The following ERP44 variants were observed in gnomAD, a reference collection of about 807,000 sequenced individuals.
The protein encoded by ERP44 is endoplasmic reticulum resident protein 44.
A neutral mutation model predicts 53.4 loss-of-function variants in ERP44; 25 were observed. The observed-to-expected ratio is 0.47, with a 90% confidence interval of 0.34 to 0.65. The LOEUF (loss-of-function observed/expected upper bound fraction) is 0.65. ERP44 is among the 30% of genes least tolerant of loss of function. The probability of loss-of-function intolerance (pLI) is 0.01; values close to 1 mark genes in which losing one functional copy is unlikely to be tolerated. For synonymous variants in ERP44, 145 were observed against 161.2 expected (o/e 0.90, Z 0.76); for missense variants, 338 against 493.2 (o/e 0.69, Z 2.98).
At chr9:100,072,969 T>C (rs1826321674) in intron 1 of ERP44, among the ~76,000 whole-genome samples, 1 of 152,226 alleles carries the variant, frequency 6.6e-6, no homozygotes, top group Non-Finnish European at 1.5e-5. Flanking sequence ...GTATAGGATG[T>C]CCTTAATTTC....
At chr9:100,026,798 G>A (rs1479690409) in intron 4 of ERP44, among the ~76,000 whole-genome samples, 2 of 152,090 alleles carry the variant, frequency 1.3e-5, no homozygotes, top group African/African-American at 4.8e-5. Flanking sequence ...AATACCCTAA[G>A]ACTTTTTAAT....
chr9:100,098,332 C>T (rs1052239578), intron 1 of ERP44, among the ~76,000 whole-genome samples: 2 of 152,186 alleles, frequency 1.3e-5, no homozygotes, highest in African/African-American at 4.8e-5. Flanking sequence ...ACAGAGGGAT[C>T]TGCCAACCCG....
chr9:100,013,095 G>A lies in ERP44; in HGVS notation c.762+3227C>T, dbSNP rs549264750. ...TGTTGCTCTCTCTTCCCCAAGAAAG[G>A]GAGAAAGAGATAGTAAGATCTAAGA... On this transcript the variant is annotated intron_variant, in intron 8 of 11. Transcript: ENST00000262455. Among the ~76,000 whole-genome samples, 16 of 152,214 alleles carry A rather than the reference G, an allele frequency of 1.1e-4. No homozygotes were observed. The South Asian group carries it at 3.3e-3, about 32-fold the overall frequency.
chr9:100,056,084 T>C (rs1826084418), intron 3 of ERP44, among the ~76,000 whole-genome samples: 1 of 152,234 alleles, frequency 6.6e-6, no homozygotes, highest in African/African-American at 2.4e-5. Flanking sequence ...AGCAGCACAT[T>C]CTATTACCCT....
intron 8 of ERP44, among the ~76,000 whole-genome samples, chr9:100,013,294 T>C (rs761416888): frequency 6.6e-6 from 1 of 152,250 alleles, no homozygotes; most frequent in East Asian, 1.9e-4. Flanking sequence ...GGTTAAGCTA[T>C]AGTGCTAAAA....
At chr9:100,080,016 A>C (rs1826407054) in intron 1 of ERP44, among the ~76,000 whole-genome samples, 1 of 152,016 alleles carries the variant, frequency 6.6e-6, no homozygotes, top group South Asian at 2.1e-4. Flanking sequence ...ATTATTGTTT[A>C]ATTTCCTATC....
At chr9:100,069,355 C>T (rs2118732607) in intron 1 of ERP44, among the ~76,000 whole-genome samples, 1 of 151,904 alleles carries the variant, frequency 6.6e-6, no homozygotes, top group East Asian at 1.9e-4. Context: ...TTTATATGTA[C>T]TGTATATATA....
intron 4 of ERP44, among the ~76,000 whole-genome samples, chr9:100,045,171 A>C (rs528923893): frequency 6.6e-6 from 1 of 152,254 alleles, no homozygotes; most frequent in African/African-American, 2.4e-5. Context: ...CTACCTCAGA[A>C]ACTTCACATC....
At chr9:100,094,483 C>A (rs1221717653) in intron 1 of ERP44, among the ~76,000 whole-genome samples, 1 of 152,010 alleles carries the variant, frequency 6.6e-6, no homozygotes, top group Non-Finnish European at 1.5e-5. Context: ...CATGGTGAAA[C>A]CCCATCTCTA....
At chr9:100,085,800 G>C (rs546662329) in intron 1 of ERP44, among the ~76,000 whole-genome samples, 14 of 152,358 alleles carry the variant, frequency 9.2e-5, no homozygotes, top group Middle Eastern at 3.4e-3. Context: ...TTGGGAGGCT[G>C]AGGTAGGAGA....
At chr9:100,079,322 C>CA (rs1289039955) in intron 1 of ERP44, among the ~76,000 whole-genome samples, 1 of 152,138 alleles carries the variant, frequency 6.6e-6, no homozygotes, top group Non-Finnish European at 1.5e-5. Context: ...CTTTCGCACT[C>CA]AGACTGGCTC....
chr9:100,050,630 C>T (rs1175316295), intron 4 of ERP44, among the ~76,000 whole-genome samples: 2 of 152,158 alleles, frequency 1.3e-5, no homozygotes, highest in Non-Finnish European at 2.9e-5. Flanking sequence ...GGTTTCATAA[C>T]AATCATTTCT....
Position 100,007,576 on chromosome 9 carries a change from A to G in ERP44, c.874+2T>C, listed in dbSNP as rs778224200. On this transcript the variant is annotated splice_donor_variant, in intron 9 of 11. Transcript: ENST00000262455. LOFTEE classifies it high-confidence loss of function. ...TGAAAATAAACACCTTAATCTGTCT[A>G]CCTTTTTCACTTATTAATTGCCGAG... The G allele has an allele frequency of 1.5e-6, 2 of 1,366,702 alleles. No homozygotes were observed. The highest frequency in any genetic ancestry group is 1.0e-6 in the Non-Finnish European group (1 of 954,556). 84.7% of individuals were successfully genotyped at this position (1,366,702 alleles called of 1,614,324 possible). A position where few individuals can be genotyped will look rare whatever the true frequency, so the allele number is the denominator to read the frequency against.
chr9:100,016,783 T>C (rs1830529895), intron 7 of ERP44, among the ~76,000 whole-genome samples: 1 of 152,138 alleles, frequency 6.6e-6, no homozygotes, highest in Admixed American at 6.6e-5. Flanking sequence ...GAAACATAGA[T>C]CATGGAACTT....
At chr9:100,080,136 G>A (rs1184997865) in intron 1 of ERP44, among the ~76,000 whole-genome samples, 2 of 151,874 alleles carry the variant, frequency 1.3e-5, no homozygotes, top group African/African-American at 4.8e-5. Context: ...AAGATGAAGC[G>A]AGCCCTAGTT....
At chr9:100,014,121 G>GT (rs1830504726) in intron 8 of ERP44, among the ~76,000 whole-genome samples, 1 of 152,172 alleles carries the variant, frequency 6.6e-6, no homozygotes, top group Admixed American at 6.5e-5. Context: ...TATGAAGATG[G>GT]TAAGTGGGGG....
At chr9:100,068,758 T>G (rs1361273085) in intron 1 of ERP44, among the ~76,000 whole-genome samples, 1 of 145,290 alleles carries the variant, frequency 6.9e-6, no homozygotes, top group Non-Finnish European at 1.5e-5. Context: ...GAGGAGCCCC[T>G]CTGCCCGGCC....
chr9:100,008,939 C>T lies in ERP44; in HGVS notation c.763-1250G>A, dbSNP rs535979708. ...GTTATTTTTTGTAGAGATGGGATTT[C>T]GCCATGTTGCTCAGGTTGGTCCCAA... On this transcript the variant is annotated intron_variant, in intron 8 of 11. Transcript: ENST00000262455. 1.2e-4 allele frequency among the ~76,000 whole-genome samples: 18 copies of T among 151,928 alleles called. No homozygotes were observed. In the South Asian group the frequency reaches 2.1e-3, roughly 18 times the overall value.
At chr9:100,059,958 C>T (rs1587977422) in intron 2 of ERP44, 142 bp downstream of exon 2, 2 of 693,940 alleles carry the variant, frequency 2.9e-6, no homozygotes, top group East Asian at 8.0e-5. Context: ...TTTGATAATT[C>T]AGAAAGTCAT....
Sources: gnomAD v4.1 joint callset for allele counts (sites outside exome capture counted in the v4.1 genomes callset) on GRCh38, gnomAD v4.1.1 for gene constraint, MANE v1.5 for transcripts, NCBI Gene and HGNC (gene_info 2026-07-23, HGNC 2026-07-21) for gene names.